Variants in ARFGEF2 observed in about 807,000 individuals in gnomAD.
ARFGEF2 encodes the protein brefeldin A-inhibited guanine nucleotide-exchange protein 2.
ARFGEF2 carries 74 observed loss-of-function variants against 219.9 expected under a neutral mutation model. The observed-to-expected ratio is 0.34, with a 90% CI of 0.28 to 0.41. ARFGEF2 has a LOEUF of 0.41. Ranked by LOEUF, ARFGEF2 falls within the 10% of genes least tolerant of loss-of-function variation. The pLI is 1.00. For missense variants in ARFGEF2, 1,743 were observed against 2,218.3 expected, an observed-to-expected ratio of 0.79 and a Z score of 4.30; for synonymous variants, 733 against 799.2, an observed-to-expected ratio of 0.92 and a Z score of 1.40.
intron 3 of ARFGEF2, among the ~76,000 whole-genome samples, chr20:48,950,808 AAAAAT>A (rs1201680481): frequency 4.7e-5 from 2 of 42,288 alleles, no homozygotes; most frequent in African/African-American, 1.5e-4. Flanking sequence ...AAAAAAAAAA[AAAAAT>A]ATATATATAT....
Position 49,013,581 on chromosome 20 carries a change from A to T in ARFGEF2, c.3936A>T (p.Thr1312=). The change falls in exon 29 of 39, where the codon ACA becomes ACT. Residue 1312 remains threonine (T), a synonymous_variant. Transcript: ENST00000371917. ...SERPRVLQEY[T]SDDMNVAPGD... is the part of the protein sequence containing the mutation. ...CATCCTAGGTGCTACAAGAATACAC[A>T]AGTGATGACATGAATGTAGCTCCTG... 6.2e-7 allele frequency: 1 copy of T among 1,614,148 alleles called. No individual in the cohort carries two copies. The highest frequency in any genetic ancestry group is 8.5e-7 in the Non-Finnish European group (1 of 1,179,996).
chr20:49,007,993 C>T (rs2091473347), intron 26 of ARFGEF2, among the ~76,000 whole-genome samples: 1 of 152,046 alleles, frequency 6.6e-6, no homozygotes, highest in Non-Finnish European at 1.5e-5. Context: ...TGTTGCCAGG[C>T]ACTCTCAGAT....
rs752508908 is a variant in ARFGEF2, at chr20:49,007,592, CTTTTTTTTTTTTTT to C, written c.3584+2382_3584+2395del. On this transcript the variant is annotated intron_variant, in intron 26 of 38. Coordinates refer to ENST00000371917, the MANE Select transcript of ARFGEF2 (RefSeq NM_006420.3). ...GCGTGAGCCGCCACACCTGGTGTTG[CTTTTTTTTTTTTTT>C]TTTTTTTTTTAAGAAAATGGGAGCT... Among the ~76,000 whole-genome samples, 533 of 97,854 alleles carry C rather than the reference CTTTTTTTTTTTTTT, an allele frequency of 5.4e-3. 5 individuals carry two copies. The highest frequency in any genetic ancestry group is 0.02 in the African/African-American group (514 of 25,618). The allele number at this position is 97,854 out of a possible 152,430, so 64.2% of individuals were successfully genotyped here.
At chr20:49,010,556 GTAT>G in intron 27 of ARFGEF2, 152 bp downstream of exon 27, 1 of 881,060 alleles carries the variant, frequency 1.1e-6, no homozygotes, top group Non-Finnish European at 1.8e-6. Context: ...CGCTTGATGA[GTAT>G]TAATCTTGAT....
chr20:49,014,870 C>T (rs1915064981), intron 30 of ARFGEF2, among the ~76,000 whole-genome samples: 1 of 152,152 alleles, frequency 6.6e-6, no homozygotes, highest in African/African-American at 2.4e-5. Flanking sequence ...CTACAGAACA[C>T]AGACAAAAAC....
intron 35 of ARFGEF2, among the ~76,000 whole-genome samples, chr20:49,023,533 T>G (rs547661060): frequency 2.5e-4 from 16 of 63,482 alleles, no homozygotes; most frequent in South Asian, 4.0e-4. Context: ...GTTTTTTTTT[T>G]TTTGTTTTTT....
At chr20:48,954,445 C>A (rs2123361360) in intron 6 of ARFGEF2, among the ~76,000 whole-genome samples, 1 of 152,258 alleles carries the variant, frequency 6.6e-6, no homozygotes, top group East Asian at 1.9e-4. Flanking sequence ...GAACCAGATC[C>A]AAAATTGGTA....
chr20:48,954,004 G>GTA (rs1211694788), intron 6 of ARFGEF2, among the ~76,000 whole-genome samples: 1 of 152,216 alleles, frequency 6.6e-6, no homozygotes, highest in East Asian at 1.9e-4. Flanking sequence ...TCTCTAAATA[G>GTA]TACTGGGATG....
chr20:48,932,357 C>T (rs148211132), intron 1 of ARFGEF2, among the ~76,000 whole-genome samples: 1 of 152,090 alleles, frequency 6.6e-6, no homozygotes, highest in East Asian at 1.9e-4. Flanking sequence ...GAGAGTTGGG[C>T]CATTGAGGGT....
rs185785129 is a variant in ARFGEF2, at chr20:48,944,532, G to A, written c.276+2545G>A. Among the ~76,000 whole-genome samples, 807 of 152,258 alleles carry A rather than the reference G, an allele frequency of 5.3e-3. 9 individuals carry two copies. The highest frequency in any genetic ancestry group is 0.018 in the African/African-American group (765 of 41,548). ...TGCAGTGGCGCGATCGTGGCTCACT[G>A]CAAAGTCAAGTGATTCTCCCCGGGC... On this transcript the variant is annotated intron_variant, in intron 3 of 38. Transcript: ENST00000371917.
In ARFGEF2 at chr20:48,928,568, C is replaced by T. The variant is rs550623452; in HGVS notation, c.121+6558C>T. On this transcript the variant is annotated intron_variant, in intron 1 of 38. Transcript: ENST00000371917. ...GGAGTGCAGTGGCGTGATCTCGGCT[C>T]ACTGCAAGCTCTGCCTCCTGGGTTC... 1.7e-3 allele frequency among the ~76,000 whole-genome samples: 252 copies of T among 146,932 alleles called. 1 individual carries two copies. Among genetic ancestry groups the T allele is most frequent in the African/African-American group, 6.1e-3 (241 of 39,760 alleles).
rs2123421075 is a variant in ARFGEF2, at chr20:48,973,179, C to T, written c.1560C>T (p.Tyr520=). 1 of 1,614,092 alleles carries T rather than the reference C, an allele frequency of 6.2e-7. No individual in the cohort carries two copies. Among genetic ancestry groups the T allele is most frequent in the Non-Finnish European group, 8.5e-7 (1 of 1,180,002 alleles). ...AQCVVDIYVN[Y]DCDLNAANIF... is the part of the protein sequence containing the mutation. ...GTGTTGTGGATATTTATGTCAACTACGACTGTGATTTAAATGCTGCTAACA... is the reference window on the plus strand; with the variant it reads ...GTGTTGTGGATATTTATGTCAACTATGACTGTGATTTAAATGCTGCTAACA... The change falls in exon 12 of 39, where the codon TAC becomes TAT. Residue 520 remains tyrosine (Y), a synonymous_variant. Coordinates refer to ENST00000371917, the MANE Select transcript of ARFGEF2 (RefSeq NM_006420.3).
At chr20:48,924,429 G>A (rs998260980) in intron 1 of ARFGEF2, among the ~76,000 whole-genome samples, 1 of 150,196 alleles carries the variant, frequency 6.7e-6, no homozygotes, top group Non-Finnish European at 1.5e-5. Flanking sequence ...GGAGAATGGC[G>A]TGAACCCAGG....
chr20:48,938,587 C>G (rs2090974612), intron 1 of ARFGEF2, among the ~76,000 whole-genome samples: 1 of 151,962 alleles, frequency 6.6e-6, no homozygotes, highest in Non-Finnish European at 1.5e-5. Context: ...ATTATTCTTT[C>G]CTAGCTATTT....
At chr20:48,939,137 G>C (rs1264953091) in intron 1 of ARFGEF2, among the ~76,000 whole-genome samples, 1 of 151,910 alleles carries the variant, frequency 6.6e-6, no homozygotes, top group Non-Finnish European at 1.5e-5. Flanking sequence ...ACCACGCCCT[G>C]CTAATTTTCA....
intron 8 of ARFGEF2, among the ~76,000 whole-genome samples, chr20:48,968,195 G>C (rs918681786): frequency 6.6e-6 from 1 of 151,834 alleles, no homozygotes; most frequent in Non-Finnish European, 1.5e-5. Context: ...GGGTTTCACC[G>C]TGTTAGCCAG....
intron 36 of ARFGEF2, among the ~76,000 whole-genome samples, chr20:49,027,190 AT>A (rs2091608862): frequency 6.6e-6 from 1 of 151,610 alleles, no homozygotes; most frequent in South Asian, 2.1e-4. Flanking sequence ...GGTTCAAGCG[AT>A]TCTCCTGCCT....
At chr20:48,984,329 T>C (rs2091314011) in intron 14 of ARFGEF2, among the ~76,000 whole-genome samples, 1 of 152,118 alleles carries the variant, frequency 6.6e-6, no homozygotes, top group African/African-American at 2.4e-5. Flanking sequence ...CCCACCTGAG[T>C]CAGCTTTGTT....
intron 23 of ARFGEF2, among the ~76,000 whole-genome samples, chr20:48,996,956 T>C (rs1261214939): frequency 1.3e-5 from 2 of 152,138 alleles, no homozygotes; most frequent in Admixed American, 6.5e-5. Context: ...CCTTAGTCAC[T>C]GTAACCACTG....
Sources: gnomAD v4.1 joint callset for allele counts (sites outside exome capture counted in the v4.1 genomes callset) on GRCh38, gnomAD v4.1.1 for gene constraint, MANE v1.5 for transcripts, NCBI Gene and HGNC (gene_info 2026-07-23, HGNC 2026-07-21) for gene names.